The following EMSY variants were observed in gnomAD, a reference collection of about 807,000 sequenced individuals.
EMSY encodes the protein EMSY transcriptional repressor, BRCA2 interacting.
A neutral mutation model predicts 134.6 loss-of-function variants in EMSY; 26 were observed. The observed-to-expected ratio is 0.19, with a 90% CI of 0.14 to 0.27. The LOEUF (loss-of-function observed/expected upper bound fraction) is 0.27. Ranked by LOEUF, EMSY falls within the 10% of genes least tolerant of loss-of-function variation. EMSY has a pLI of 1.00. For missense variants in EMSY, 1,305 were observed against 1,611.4 expected, an observed-to-expected ratio of 0.81 and a Z score of 3.26; for synonymous variants, 579 against 577.8, an observed-to-expected ratio of 1.00 and a Z score of -0.03.
chr11:76,453,250 T>C (rs945664661), intron 3 of EMSY, 64 bp from the exon 4 acceptor site: 11 of 1,479,974 alleles, frequency 7.4e-6, no homozygotes, highest in Admixed American at 1.9e-5. Context: ...ACTTAAACAT[T>C]AATGAAAGTA....
At chr11:76,519,972 C>CTTAG (rs1950586951) in intron 11 of EMSY, among the ~76,000 whole-genome samples, 2 of 151,798 alleles carry the variant, frequency 1.3e-5, no homozygotes, top group Admixed American at 6.6e-5. Context: ...TATTATCTGC[C>CTTAG]CTAAGGAATG....
In EMSY at chr11:76,544,562, A is replaced by G. The variant is rs778654904; in HGVS notation, c.3013A>G (p.Thr1005Ala). ...GCTTTCCATCAGGCATCAAAAACTCACCCCTCTCCAGCAAGAACAAGCACA... is the reference window on the plus strand; with the variant it reads ...GCTTTCCATCAGGCATCAAAAACTCGCCCCTCTCCAGCAAGAACAAGCACA... Residue 1005 changes from threonine (T) to alanine (A), a missense_variant, in exon 19 of 21, where the codon ACC becomes GCC. Coordinates refer to ENST00000334736, the Ensembl canonical transcript of EMSY. 8 of 1,613,672 alleles carry G rather than the reference A, an allele frequency of 5.0e-6. No homozygotes were observed. In the East Asian group the frequency reaches 1.8e-4, roughly 36 times the overall value.
intron 14 of EMSY, among the ~76,000 whole-genome samples, chr11:76,535,111 AT>A (rs1229175758): frequency 6.6e-6 from 1 of 152,112 alleles, no homozygotes; most frequent in Admixed American, 6.6e-5. Context: ...CAATAATAAC[AT>A]TTCTATTGGC....
intron 9 of EMSY, among the ~76,000 whole-genome samples, chr11:76,512,651 G>A (rs1183192946): frequency 3.4e-5 from 5 of 149,066 alleles, no homozygotes; most frequent in East Asian, 1.9e-4. Flanking sequence ...TGGGAAAAGG[G>A]TTAAAAGAAT....
At chr11:76,472,044 A>G (rs919032471) in intron 7 of EMSY, among the ~76,000 whole-genome samples, 1 of 129,656 alleles carries the variant, frequency 7.7e-6, no homozygotes, top group Non-Finnish European at 1.7e-5. Flanking sequence ...ATCATTCTTT[A>G]TTCTCCTACC....
exon 20 of EMSY, chr11:76,546,221 C>G (rs776753070): frequency 6.2e-7 from 1 of 1,614,024 alleles, no homozygotes; most frequent in Non-Finnish European, 8.5e-7. Flanking sequence ...GCAGTGCCTG[C>G]GACAGGCCAG....
chr11:76,472,836 A>G (rs377404534), exon 8 of EMSY: 8 of 1,613,132 alleles, frequency 5.0e-6, no homozygotes, highest in Non-Finnish European at 5.1e-6. Context: ...CAACAGTAGC[A>G]CAAGGTGAGT....
At chr11:76,467,306 T>C (rs191190862) in intron 7 of EMSY, among the ~76,000 whole-genome samples, 1 of 152,342 alleles carries the variant, frequency 6.6e-6, no homozygotes, top group East Asian at 1.9e-4. Flanking sequence ...ATTTTCTCAG[T>C]AATTCTTCTC....
chr11:76,475,120 T>C (rs770973382), intron 8 of EMSY, among the ~76,000 whole-genome samples: 1 of 152,170 alleles, frequency 6.6e-6, no homozygotes, highest in Non-Finnish European at 1.5e-5. Flanking sequence ...GTTACAAACA[T>C]GTTCCGAATT....
intron 8 of EMSY, among the ~76,000 whole-genome samples, chr11:76,480,561 G>C (rs943543812): frequency 6.6e-6 from 1 of 152,116 alleles, no homozygotes; most frequent in East Asian, 1.9e-4. Context: ...TCAGCCATGC[G>C]GCCAAGGTAT....
chr11:76,462,106 G>A (rs572208418), intron 6 of EMSY, among the ~76,000 whole-genome samples: 3 of 152,154 alleles, frequency 2.0e-5, no homozygotes, highest in African/African-American at 7.2e-5. Context: ...AGGTGTGGTG[G>A]CAGGTGCCTG....
At chr11:76,494,674 CCT>C (rs1949562927) in intron 8 of EMSY, among the ~76,000 whole-genome samples, 2 of 34,568 alleles carry the variant, frequency 5.8e-5, no homozygotes. Flanking sequence ...TTCCTTCCTT[CCT>C]TCCTTCCTTC....
chr11:76,546,923 C>T, intron 20 of EMSY: 1 of 285,382 alleles, frequency 3.5e-6, no homozygotes, highest in Non-Finnish European at 6.9e-6. Flanking sequence ...TTCTGTCATG[C>T]CTTGGTAAGT....
At chr11:76,490,549 A>C (rs1019411146) in intron 8 of EMSY, among the ~76,000 whole-genome samples, 1 of 152,202 alleles carries the variant, frequency 6.6e-6, no homozygotes, top group African/African-American at 2.4e-5. Flanking sequence ...TTGTGTTAGA[A>C]TCTTAAAAGA....
chr11:76,544,869 GAA>G, intron 19 of EMSY, 47 bp downstream of exon 20: 1 of 1,533,492 alleles, frequency 6.5e-7, no homozygotes, highest in South Asian at 1.2e-5. Flanking sequence ...TCTGTTCACG[GAA>G]AAAAAAATGA....
chr11:76,533,848 C>G (rs896294047), intron 14 of EMSY, among the ~76,000 whole-genome samples: 2 of 152,142 alleles, frequency 1.3e-5, no homozygotes, highest in Non-Finnish European at 2.9e-5. Context: ...CTCCTGATTT[C>G]CTAGTCATTG....
intron 11 of EMSY, among the ~76,000 whole-genome samples, chr11:76,521,314 T>A (rs76228729): frequency 0.017 from 2,559 of 152,284 alleles, 49 homozygotes; most frequent in East Asian, 0.094. Context: ...AATTAGGGAA[T>A]TTAACCAGTT....
At chr11:76,487,532 G>A (rs1949237659) in intron 8 of EMSY, among the ~76,000 whole-genome samples, 1 of 152,194 alleles carries the variant, frequency 6.6e-6, no homozygotes, top group Non-Finnish European at 1.5e-5. Context: ...TTATGTGTAA[G>A]TAAGTGTAAG....
chr11:76,535,823 AT>A (rs1342328194), intron 14 of EMSY, 71 bp from the exon 16 acceptor site: 1 of 1,133,218 alleles, frequency 8.8e-7, no homozygotes, highest in Non-Finnish European at 1.2e-6. Context: ...AGACAAAAAA[AT>A]TGTTTGTTTT....
Sources: gnomAD v4.1 joint callset for allele counts (sites outside exome capture counted in the v4.1 genomes callset) on GRCh38, gnomAD v4.1.1 for gene constraint, MANE v1.5 for transcripts, NCBI Gene and HGNC (gene_info 2026-07-23, HGNC 2026-07-21) for gene names.